Variants in RBM20 observed in about 807,000 individuals in gnomAD.
The protein encoded by RBM20 is RNA-binding protein 20.
RBM20 carries 51 observed loss-of-function variants against 110.1 expected under a neutral mutation model. The ratio of observed to expected loss-of-function variants is 0.46; its 90% CI spans 0.37 to 0.59. The LOEUF (loss-of-function observed/expected upper bound fraction) is 0.59. Among genes scored for constraint, RBM20 ranks in the 20% least tolerant of loss-of-function variants. The pLI is 0.00. For synonymous variants in RBM20, 589 were observed against 618.2 expected (o/e 0.95, Z 0.70); for missense variants, 1,512 against 1,574.9 (o/e 0.96, Z 0.68).
At chr10:110,688,374 C>T (rs1862536575) in intron 1 of RBM20, among the ~76,000 whole-genome samples, 1 of 152,108 alleles carries the variant, frequency 6.6e-6, no homozygotes, top group Non-Finnish European at 1.5e-5. Flanking sequence ...GGCCTGGACT[C>T]TACTGGGTTC....
At chr10:110,734,430 C>T (rs11195291) in intron 1 of RBM20, among the ~76,000 whole-genome samples, 22,205 of 152,122 alleles carry the variant, frequency 0.15, 2,166 homozygotes, top group East Asian at 0.27. Context: ...CTTTCAGATA[C>T]AGTTTTGAGT....
chr10:110,705,013 T>C (rs1862815076), intron 1 of RBM20, among the ~76,000 whole-genome samples: 1 of 152,234 alleles, frequency 6.6e-6, no homozygotes, highest in Non-Finnish European at 1.5e-5. Context: ...ATACTTTTCT[T>C]ACAAGAAGAA....
At chr10:110,727,255 G>T (rs1346640816) in intron 1 of RBM20, among the ~76,000 whole-genome samples, 2 of 141,456 alleles carry the variant, frequency 1.4e-5, no homozygotes, top group African/African-American at 5.3e-5. Context: ...TTCAATATGT[G>T]TACATAATTC....
In RBM20 at chr10:110,813,063, T is replaced by C. The variant is rs528020054; in HGVS notation, c.2550+116T>C. The C allele has an allele frequency of 7.9e-6, 6 of 762,656 alleles. No homozygotes were observed. The African/African-American group carries it at 1.0e-4, about 13-fold the overall frequency. 47.2% of individuals were successfully genotyped at this position (762,656 alleles called of 1,614,324 possible). ...GAATGAACATTTACTGGCTATTTAC[T>C]ATGCGCTAGGCACTGTGCAAGACAC... On this transcript the variant is annotated intron_variant, in intron 9 of 13. Transcript: ENST00000369519.
chr10:110,825,705 G>T (rs1049500021), intron 12 of RBM20, among the ~76,000 whole-genome samples: 14 of 152,174 alleles, frequency 9.2e-5, no homozygotes, highest in African/African-American at 3.4e-4. Context: ...TCCTCTGCTG[G>T]TGAACAGTTA....
Position 110,812,142 on chromosome 10 carries a change from T to C in RBM20, c.1881-136T>C, listed in dbSNP as rs189748866. ...TTTCTCCTGAACCACTCTGTGTGGT[T>C]CTGTAGAGTTGGGAGTTAAGAGTGT... On this transcript the variant is annotated intron_variant, in intron 8 of 13. Coordinates refer to ENST00000369519, the MANE Select transcript of RBM20 (RefSeq NM_001134363.3). The C allele has an allele frequency of 3.3e-5, 26 of 799,854 alleles. No individual in the cohort carries two copies. In the East Asian group the frequency reaches 5.1e-4, roughly 16 times the overall value. The allele number at this position is 799,854 out of a possible 1,614,324, so 49.5% of individuals were successfully genotyped here. A position where few individuals can be genotyped will look rare whatever the true frequency, so the allele number is the denominator to read the frequency against.
At chr10:110,805,780 C>G (rs895913523) in intron 7 of RBM20, among the ~76,000 whole-genome samples, 5 of 152,196 alleles carry the variant, frequency 3.3e-5, no homozygotes, top group Non-Finnish European at 7.3e-5. Context: ...GAATCTCACC[C>G]TTGTCTTAAA....
At chr10:110,805,680 G>T (rs370085648) in intron 7 of RBM20, among the ~76,000 whole-genome samples, 1 of 152,322 alleles carries the variant, frequency 6.6e-6, no homozygotes, top group East Asian at 1.9e-4. Context: ...GTGCGGGCAG[G>T]GCTGGGGCTG....
intron 1 of RBM20, among the ~76,000 whole-genome samples, chr10:110,775,444 G>A (rs1327534563): frequency 6.6e-6 from 1 of 152,210 alleles, no homozygotes; most frequent in Admixed American, 6.5e-5. Flanking sequence ...ATTACCAGGA[G>A]AGAGCCTGCT....
chr10:110,721,882 G>A (rs967873274), intron 1 of RBM20, among the ~76,000 whole-genome samples: 2 of 152,042 alleles, frequency 1.3e-5, no homozygotes, highest in African/African-American at 4.8e-5. Context: ...GCAGTCTCTG[G>A]GGGGATGCAT....
upstream of RBM20, among the ~76,000 whole-genome samples, chr10:110,643,844 C>A (rs1005875257): frequency 6.6e-6 from 1 of 152,186 alleles, no homozygotes; most frequent in Admixed American, 6.5e-5. Flanking sequence ...TGGCGCTGGC[C>A]GGGCTCCAGC....
chr10:110,798,881 CA>C (rs889602807), intron 6 of RBM20, among the ~76,000 whole-genome samples: 1 of 152,080 alleles, frequency 6.6e-6, no homozygotes, highest in Admixed American at 6.5e-5. Context: ...ATCCAAAAAA[CA>C]ATAGCAGCAA....
chr10:110,697,251 T>TC (rs201167014), intron 1 of RBM20, among the ~76,000 whole-genome samples: 2,084 of 146,176 alleles, frequency 0.014, 69 homozygotes, highest in Admixed American at 0.076. Flanking sequence ...GTAGGAACCG[T>TC]CCCCCTGAAG....
chr10:110,714,507 C>G (rs1333619714), intron 1 of RBM20, among the ~76,000 whole-genome samples: 1 of 152,092 alleles, frequency 6.6e-6, no homozygotes. Context: ...CAAGGTACTC[C>G]TAGAAGATCC....
intron 1 of RBM20, among the ~76,000 whole-genome samples, chr10:110,757,510 C>T (rs369954148): frequency 2.6e-5 from 4 of 152,288 alleles, no homozygotes; most frequent in East Asian, 3.9e-4. Context: ...ACAGAATATG[C>T]GAAGTATTAG....
chr10:110,795,197 G>A (rs1403798848), intron 5 of RBM20, among the ~76,000 whole-genome samples: 1 of 152,230 alleles, frequency 6.6e-6, no homozygotes, highest in African/African-American at 2.4e-5. Context: ...AGCTGTGTCT[G>A]CATCTTTAAG....
At chr10:110,679,924 A>G (rs1862398159) in intron 1 of RBM20, among the ~76,000 whole-genome samples, 1 of 152,236 alleles carries the variant, frequency 6.6e-6, no homozygotes, top group Non-Finnish European at 1.5e-5. Flanking sequence ...CTGGTGCCAG[A>G]GACGGTCGGC....
At chr10:110,727,763 C>T (rs2134945325) in intron 1 of RBM20, among the ~76,000 whole-genome samples, 1 of 152,332 alleles carries the variant, frequency 6.6e-6, no homozygotes, top group Admixed American at 6.5e-5. Context: ...TTAAGCCCTG[C>T]ATGCCTTAGG....
intron 1 of RBM20, among the ~76,000 whole-genome samples, chr10:110,770,464 G>A (rs1008648610): frequency 3.3e-5 from 5 of 152,150 alleles, no homozygotes; most frequent in African/African-American, 9.7e-5. Context: ...AGGTCGATAG[G>A]GTGACATGAA....
Sources: gnomAD v4.1 joint callset for allele counts (sites outside exome capture counted in the v4.1 genomes callset) on GRCh38, gnomAD v4.1.1 for gene constraint, MANE v1.5 for transcripts, NCBI Gene and HGNC (gene_info 2026-07-23, HGNC 2026-07-21) for gene names.